Variants in FARS2 observed in about 807,000 individuals in gnomAD.
FARS2 encodes phenylalanyl-tRNA synthetase 2, mitochondrial, also known as phenylalanine--tRNA ligase, mitochondrial.
FARS2 carries 40 observed loss-of-function variants against 46.4 expected under a neutral mutation model. That is an observed-to-expected ratio of 0.86 (90% CI 0.67 to 1.12). The LOEUF is 1.12. FARS2 is among the 50% of genes most tolerant of loss of function. FARS2 has a pLI of 0.00. For synonymous variants in FARS2, 234 were observed against 214.9 expected (o/e 1.09, Z -0.78); for missense variants, 513 against 567.9 (o/e 0.90, Z 0.98).
chr6:5,636,416 C>G (rs914376040), intron 6 of FARS2, among the ~76,000 whole-genome samples: 2 of 152,180 alleles, frequency 1.3e-5, no homozygotes, highest in African/African-American at 4.8e-5. Context: ...GCCCTGGCAG[C>G]CATTTTGTGC....
At position 5,612,138 on chromosome 6, in the gene FARS2, C is replaced by T. The variant is rs1775222866; in HGVS notation, c.1066-1031C>T. 2.6e-5 allele frequency among the ~76,000 whole-genome samples: 4 copies of T among 152,200 alleles called. No individual in the cohort carries two copies. In the South Asian group the frequency reaches 8.3e-4, roughly 32 times the overall value. ...GTTTGTATGAAATGTGTGTTCTAAA[C>T]TGATGCATTTGTTTGACAACTTTAT... On this transcript the variant is annotated intron_variant, in intron 5 of 6. Transcript: ENST00000274680.
At chr6:5,294,372 TC>T (rs975261163) in intron 1 of FARS2, among the ~76,000 whole-genome samples, 3 of 152,090 alleles carry the variant, frequency 2.0e-5, no homozygotes, top group African/African-American at 7.2e-5. Flanking sequence ...ACTGCGTTTT[TC>T]CTCTACTCTT....
At position 5,391,188 on chromosome 6, in the gene FARS2, A is replaced by G. The variant is rs114534631; in HGVS notation, c.613-13354A>G. 3.7e-3 allele frequency among the ~76,000 whole-genome samples: 570 copies of G among 152,288 alleles called. 4 individuals are homozygous for G. Among genetic ancestry groups the G allele is most frequent in the African/African-American group, 0.013 (539 of 41,562 alleles). ...CTGAAGCTGAAGAGAGTGATAGTATATATTCCATCACGGAAATAACCACAG... is the reference window on the plus strand; with the variant it reads ...CTGAAGCTGAAGAGAGTGATAGTATGTATTCCATCACGGAAATAACCACAG... On this transcript the variant is annotated intron_variant, in intron 2 of 6. Coordinates refer to ENST00000274680, the MANE Select transcript of FARS2 (RefSeq NM_006567.5).
chr6:5,518,620 A>G (rs1768952752), intron 4 of FARS2, among the ~76,000 whole-genome samples: 1 of 152,224 alleles, frequency 6.6e-6, no homozygotes, highest in African/African-American at 2.4e-5. Flanking sequence ...GTGAGTGATC[A>G]CATATATTTA....
chr6:5,279,857 G>A (rs1002964354), intron 1 of FARS2, among the ~76,000 whole-genome samples: 2 of 152,126 alleles, frequency 1.3e-5, no homozygotes, highest in Non-Finnish European at 2.9e-5. Context: ...ATTGGAGAGG[G>A]CAATCCGTTA....
intron 4 of FARS2, among the ~76,000 whole-genome samples, chr6:5,504,585 C>A (rs1008151842): frequency 3.3e-5 from 5 of 151,990 alleles, no homozygotes; most frequent in Admixed American, 3.3e-4. Context: ...AACTTCAAGT[C>A]GCACAAAATG....
chr6:5,649,888 G>A (rs1340200910), intron 6 of FARS2, among the ~76,000 whole-genome samples: 2 of 152,148 alleles, frequency 1.3e-5, no homozygotes, highest in African/African-American at 2.4e-5. Context: ...GGTGAGTGAG[G>A]CCTAAAAATA....
At chr6:5,735,544 A>C (rs1343193274) in intron 6 of FARS2, among the ~76,000 whole-genome samples, 2 of 152,222 alleles carry the variant, frequency 1.3e-5, no homozygotes, top group Non-Finnish European at 2.9e-5. Context: ...TGTGAGGATC[A>C]GATGAAAGAA....
the FARS2 span, among the ~76,000 whole-genome samples, chr6:5,251,797 C>G: frequency 6.6e-6 from 1 of 152,152 alleles, no homozygotes; most frequent in Non-Finnish European, 1.5e-5. Flanking sequence ...GAGGCAGTCA[C>G]TGTTAAAAGA....
intron 1 of FARS2, among the ~76,000 whole-genome samples, chr6:5,361,976 C>T (rs1205324507): frequency 6.6e-6 from 1 of 152,188 alleles, no homozygotes; most frequent in Non-Finnish European, 1.5e-5. Flanking sequence ...CAGTATTTTA[C>T]TAGTTGTTGT....
intron 1 of FARS2, among the ~76,000 whole-genome samples, chr6:5,296,244 C>G (rs1369840384): frequency 6.9e-6 from 1 of 145,790 alleles, no homozygotes; most frequent in Non-Finnish European, 1.5e-5. Context: ...CGGGTTCACA[C>G]CATTCTCCTG....
intron 4 of FARS2, among the ~76,000 whole-genome samples, chr6:5,492,146 T>C (rs377086311): frequency 3.3e-5 from 5 of 152,368 alleles, no homozygotes; most frequent in East Asian, 1.9e-4. Flanking sequence ...CACATTTTGG[T>C]CACTTAATTA....
intron 5 of FARS2, chr6:5,609,700 G>A: frequency 2.9e-6 from 4 of 1,399,886 alleles, no homozygotes; most frequent in Non-Finnish European, 4.0e-6. Context: ...ATTTCTGAAT[G>A]ACAGTCTTAT....
intron 1 of FARS2, among the ~76,000 whole-genome samples, chr6:5,313,296 C>CA (rs1769219033): frequency 6.6e-6 from 1 of 152,230 alleles, no homozygotes; most frequent in African/African-American, 2.4e-5. Context: ...TGTCCATACT[C>CA]AGACTACCAT....
At chr6:5,676,964 A>C (rs1163942114) in intron 6 of FARS2, among the ~76,000 whole-genome samples, 1 of 152,240 alleles carries the variant, frequency 6.6e-6, no homozygotes, top group East Asian at 1.9e-4. Context: ...TTCCTGGAAC[A>C]ACCAGGAGAT....
At chr6:5,549,059 A>G (rs1346812658) in intron 5 of FARS2, among the ~76,000 whole-genome samples, 1 of 152,098 alleles carries the variant, frequency 6.6e-6, no homozygotes, top group Non-Finnish European at 1.5e-5. Flanking sequence ...TGTATTTATT[A>G]TTTTACAGTT....
chr6:5,461,122 T>C (rs1017628202), intron 4 of FARS2, among the ~76,000 whole-genome samples: 8 of 151,784 alleles, frequency 5.3e-5, no homozygotes, highest in Non-Finnish European at 1.0e-4. Context: ...CACTGGAACC[T>C]TTGCCTCCCA....
chr6:5,671,019 G>A (rs960895911), intron 6 of FARS2, among the ~76,000 whole-genome samples: 2 of 152,214 alleles, frequency 1.3e-5, no homozygotes, highest in Admixed American at 1.3e-4. Context: ...AATAATGAGT[G>A]TCAGTGAACT....
At chr6:5,749,298 CTGGCTAAGCATTTT>C (rs1761814680) in intron 6 of FARS2, among the ~76,000 whole-genome samples, 3 of 152,252 alleles carry the variant, frequency 2.0e-5, no homozygotes, top group Non-Finnish European at 4.4e-5. Flanking sequence ...GACAGGCAGG[CTGGCTAAGCATTTT>C]CAGCAGGGTG....
Sources: allele counts gnomAD v4.1 joint callset (sites outside exome capture counted in the v4.1 genomes callset), GRCh38; gene constraint gnomAD v4.1.1; transcripts MANE v1.5; gene names NCBI Gene and HGNC (gene_info 2026-07-23, HGNC 2026-07-21).